The following OPN5 variants were observed in gnomAD, a reference collection of about 807,000 sequenced individuals.
OPN5 encodes the protein opsin 5, also known as opsin-5.
Under a neutral mutation model 41.7 loss-of-function variants are expected in OPN5, and 18 were observed. The observed-to-expected ratio is 0.43, with a 90% CI of 0.30 to 0.64. The LOEUF (loss-of-function observed/expected upper bound fraction) is 0.64. Among genes scored for constraint, OPN5 ranks in the 30% least tolerant of loss-of-function variants. The pLI, the probability that OPN5 is intolerant of heterozygous loss-of-function variation, is 0.13. For missense variants in OPN5, 318 were observed against 434.5 expected, an observed-to-expected ratio of 0.73 and a Z score of 2.38; for synonymous variants, 178 against 164.3, an observed-to-expected ratio of 1.08 and a Z score of -0.64.
intron 6 of OPN5, among the ~76,000 whole-genome samples, chr6:47,814,088 G>A (rs1762353490): frequency 6.6e-6 from 1 of 152,092 alleles, no homozygotes; most frequent in South Asian, 2.1e-4. Flanking sequence ...GTTGCAGAGT[G>A]AAGCAGGTAG....
intron 4 of OPN5, among the ~76,000 whole-genome samples, chr6:47,804,959 T>G (rs1267469949): frequency 6.6e-6 from 1 of 152,228 alleles, no homozygotes; most frequent in Non-Finnish European, 1.5e-5. Context: ...AATCTATTTT[T>G]TGTCAATGAC....
chr6:47,822,413 A>G (rs928660127), intron 6 of OPN5, among the ~76,000 whole-genome samples: 5 of 152,202 alleles, frequency 3.3e-5, no homozygotes, highest in African/African-American at 1.2e-4. Flanking sequence ...TATTGACATG[A>G]GATAGAGAAT....
chr6:47,823,966 T>A lies in OPN5; in HGVS notation c.1057-17T>A. 6.5e-7 allele frequency: 1 copy of A among 1,549,142 alleles called. No homozygotes were observed. The highest frequency in any genetic ancestry group is 1.2e-5 in the South Asian group (1 of 84,022). ...CTGTGTGCCTCACCCTAAAACTCAA[T>A]TTTTTCTTCTCTACAGTGGGAATAA... On this transcript the variant is annotated splice_polypyrimidine_tract_variant and intron_variant, in intron 6 of 6. Transcript: ENST00000371211.
chr6:47,782,466 T>C (rs944803611), intron 1 of OPN5, among the ~76,000 whole-genome samples: 18 of 152,212 alleles, frequency 1.2e-4, no homozygotes, highest in African/African-American at 2.9e-4. Flanking sequence ...TTGGTTACTT[T>C]GGGAGTAGAT....
chr6:47,806,080 A>G (rs961426665), intron 4 of OPN5, among the ~76,000 whole-genome samples: 34 of 152,018 alleles, frequency 2.2e-4, no homozygotes, highest in African/African-American at 8.2e-4. Context: ...TGTCAACTTC[A>G]TAAAGCAGCC....
intron 4 of OPN5, among the ~76,000 whole-genome samples, chr6:47,800,632 A>G (rs2113972830): frequency 6.6e-6 from 1 of 152,258 alleles, no homozygotes; most frequent in Admixed American, 6.5e-5. Flanking sequence ...CCCCAGTTTG[A>G]CAGCTTCCCA....
chr6:47,791,421 G>A (rs1025253223), intron 2 of OPN5, among the ~76,000 whole-genome samples: 11 of 152,056 alleles, frequency 7.2e-5, no homozygotes, highest in Non-Finnish European at 7.4e-5. Flanking sequence ...CTAAGCCTTC[G>A]AATGAAAGAC....
intron 4 of OPN5, among the ~76,000 whole-genome samples, chr6:47,807,856 A>G (rs17552756): frequency 0.12 from 18,775 of 151,416 alleles, 1,309 homozygotes; most frequent in Middle Eastern, 0.16. Context: ...TTCCTGCTCC[A>G]TGGAGTCATA....
At chr6:47,794,573 A>G (rs1314098147) in intron 3 of OPN5, among the ~76,000 whole-genome samples, 1 of 152,236 alleles carries the variant, frequency 6.6e-6, no homozygotes, top group Non-Finnish European at 1.5e-5. Context: ...TCCTGAAAAT[A>G]TCTTCACAGA....
chr6:47,820,748 G>C (rs1762597829), intron 6 of OPN5, among the ~76,000 whole-genome samples: 2 of 152,192 alleles, frequency 1.3e-5, no homozygotes, highest in South Asian at 4.2e-4. Context: ...AGGTCATGGT[G>C]TAGTGGAAAA....
intron 6 of OPN5, among the ~76,000 whole-genome samples, chr6:47,815,883 T>C (rs921962950): frequency 7.2e-5 from 11 of 152,126 alleles, no homozygotes; most frequent in Non-Finnish European, 1.3e-4. Flanking sequence ...ATTCTAAAAG[T>C]ACTTTAAGAA....
At chr6:47,823,913 T>C in intron 6 of OPN5, 70 bp from the exon 7 acceptor site, 1 of 1,146,454 alleles carries the variant, frequency 8.7e-7, no homozygotes, top group Non-Finnish European at 1.3e-6. Context: ...GGCTCTGAAT[T>C]TAGTTTTGGA....
At chr6:47,788,809 G>GA (rs1554139126) in intron 2 of OPN5, among the ~76,000 whole-genome samples, 1 of 148,136 alleles carries the variant, frequency 6.8e-6, no homozygotes, top group African/African-American at 2.5e-5. Flanking sequence ...ATAACCTGGG[G>GA]GGGGGCGGTG....
downstream of OPN5, chr6:47,826,304 C>A (rs1390802224): frequency 2.0e-5 from 3 of 152,074 alleles, no homozygotes; most frequent in African/African-American, 7.2e-5. Flanking sequence ...TTTGTGAGAA[C>A]AAGATTTCCC....
At chr6:47,791,904 G>A (rs1409075358) in exon 3 of OPN5, 22 of 1,613,810 alleles carry the variant, frequency 1.4e-5, no homozygotes, top group Non-Finnish European at 1.8e-5. Context: ...TTCTTTGGCT[G>A]TGGAAGCCTT....
At chr6:47,812,637 G>A (rs1303567870) in intron 6 of OPN5, among the ~76,000 whole-genome samples, 1 of 152,060 alleles carries the variant, frequency 6.6e-6, no homozygotes, top group African/African-American at 2.4e-5. Context: ...GTCCAAATAG[G>A]TTTTCTACTC....
At chr6:47,782,088 C>T in exon 1 of OPN5, 4 of 1,613,694 alleles carry the variant, frequency 2.5e-6, no homozygotes, top group Non-Finnish European at 3.4e-6. Context: ...TCACACTGCC[C>T]TGCCTCAGGA....
chr6:47,812,259 GTTTT>G (rs759301997), intron 6 of OPN5, among the ~76,000 whole-genome samples: 1 of 152,096 alleles, frequency 6.6e-6, no homozygotes, highest in Non-Finnish European at 1.5e-5. Context: ...GGGGAAATCA[GTTTT>G]GCCTTAAATC....
At chr6:47,820,357 G>A (rs1762582890) in intron 6 of OPN5, among the ~76,000 whole-genome samples, 1 of 152,134 alleles carries the variant, frequency 6.6e-6, no homozygotes, top group Admixed American at 6.6e-5. Context: ...GGAAAAGCTG[G>A]AATTCCAGCT....
Sources: gnomAD v4.1 joint callset for allele counts (sites outside exome capture counted in the v4.1 genomes callset) on GRCh38, gnomAD v4.1.1 for gene constraint, MANE v1.5 for transcripts, NCBI Gene and HGNC (gene_info 2026-07-23, HGNC 2026-07-21) for gene names.